Variants in SYNPO2 observed in about 807,000 individuals in gnomAD.
The protein encoded by SYNPO2 is synaptopodin-2.
A neutral mutation model predicts 85.0 loss-of-function variants in SYNPO2; 56 were observed. That is an observed-to-expected ratio of 0.66 (90% confidence interval 0.53 to 0.82). The LOEUF is 0.82. SYNPO2 is among the 40% of genes least tolerant of loss of function. SYNPO2 has a pLI of 0.00. For missense variants in SYNPO2, 1,575 were observed against 1,534.2 expected (o/e 1.03, Z -0.44); for synonymous variants, 602 against 591.1 (o/e 1.02, Z -0.27).
chr4:119,026,047 G>A (rs1482461096), intron 2 of SYNPO2, among the ~76,000 whole-genome samples: 1 of 152,154 alleles, frequency 6.6e-6, no homozygotes, highest in Admixed American at 6.5e-5. Flanking sequence ...ATTGCAGCAC[G>A]GAAAGGATTT....
chr4:119,031,431 T>A lies in SYNPO2; in HGVS notation c.2656T>A (p.Tyr886Asn), dbSNP rs1295382815. The A allele has an allele frequency of 1.9e-5, 30 of 1,613,860 alleles. No individual in the cohort carries two copies. Among genetic ancestry groups the A allele is most frequent in the Non-Finnish European group, 2.5e-5 (29 of 1,180,016 alleles). The change falls in exon 4 of 5, where the codon TAT becomes AAT. Residue 886 changes from tyrosine (Y) to asparagine (N), a missense_variant. This residue lies in a region of SYNPO2 where 1,508 missense variants were observed against 1,446.8 expected (regional missense o/e 1.04). Coordinates refer to ENST00000307142, the MANE Select transcript of SYNPO2 (RefSeq NM_133477.3). ...TAAAAGGCAGTCGAGAATGGAGAAG[T>A]ATGTGGTCGATTCAGACACGGTGCA... ...FAKRQSRMEK[Y>N]VVDSDTVQAH...
At chr4:118,895,200 A>T (rs1031909496) in intron 1 of SYNPO2, among the ~76,000 whole-genome samples, 1 of 152,192 alleles carries the variant, frequency 6.6e-6, no homozygotes, top group Non-Finnish European at 1.5e-5. Flanking sequence ...TTAAAGCTTC[A>T]GTCAACTATC....
chr4:118,902,186 G>A (rs778248548), intron 1 of SYNPO2, among the ~76,000 whole-genome samples: 1 of 152,140 alleles, frequency 6.6e-6, no homozygotes, highest in Non-Finnish European at 1.5e-5. Context: ...TAATGCACAG[G>A]TCCTTTAAGA....
intron 1 of SYNPO2, among the ~76,000 whole-genome samples, chr4:118,871,599 T>C (rs1016659315): frequency 2.9e-4 from 43 of 150,228 alleles, no homozygotes; most frequent in Middle Eastern, 7.0e-3. Flanking sequence ...GACAGTGTCT[T>C]GCTCTGTCAC....
intron 1 of SYNPO2, among the ~76,000 whole-genome samples, chr4:118,959,844 TG>T (rs1735011124): frequency 6.6e-6 from 1 of 152,250 alleles, no homozygotes; most frequent in East Asian, 1.9e-4. Context: ...GTACATTGAC[TG>T]GTGACCCACA....
intron 1 of SYNPO2, among the ~76,000 whole-genome samples, chr4:118,907,913 A>G (rs1732989711): frequency 6.6e-6 from 1 of 152,174 alleles, no homozygotes; most frequent in African/African-American, 2.4e-5. Flanking sequence ...CTTTCTTATT[A>G]AATGACACAT....
intron 1 of SYNPO2, among the ~76,000 whole-genome samples, chr4:118,949,664 G>A (rs1043412027): frequency 2.2e-4 from 33 of 151,858 alleles, no homozygotes; most frequent in Admixed American, 8.5e-4. Flanking sequence ...CAGGAGAGTC[G>A]CTTGAACCCA....
intron 1 of SYNPO2, among the ~76,000 whole-genome samples, chr4:119,020,571 C>T (rs1311722737): frequency 6.6e-6 from 1 of 152,048 alleles, no homozygotes; most frequent in Non-Finnish European, 1.5e-5. Context: ...GAACTTCTGC[C>T]TAAGATTGGG....
At position 119,041,632 on chromosome 4, in the gene SYNPO2, A is replaced by G. The variant is rs1274160321; in HGVS notation, c.3252+9605A>G. On this transcript the variant is annotated intron_variant, in intron 4 of 4. Coordinates refer to ENST00000307142, the MANE Select transcript of SYNPO2 (RefSeq NM_133477.3). The stretch of plus-strand genomic sequence containing the variant: ...AATACTCACTGAAATGTCACAACTC[A>G]TTGTGGGTGGTATTACTGAAATAAA... 2.0e-5 allele frequency among the ~76,000 whole-genome samples: 3 copies of G among 152,230 alleles called. No homozygotes were observed. In the East Asian group the frequency reaches 5.8e-4, roughly 29 times the overall value.
chr4:118,974,895 T>G (rs900572761), intron 1 of SYNPO2, among the ~76,000 whole-genome samples: 3 of 152,186 alleles, frequency 2.0e-5, no homozygotes, highest in African/African-American at 7.2e-5. Flanking sequence ...CTTTAATGGT[T>G]TCCTTGTTTC....
rs1553934197 is a variant in SYNPO2 at position 118,867,467 on chromosome 4, C to CTTTCT, written c.12+16530_12+16531insCTTTT. 4.6e-3 allele frequency among the ~76,000 whole-genome samples: 637 copies of CTTTCT among 138,400 alleles called. 1 individual carries two copies. The highest frequency in any genetic ancestry group is 0.011 in the African/African-American group (402 of 37,702). The allele number at this position is 138,400 out of a possible 152,430, so 90.8% of individuals were successfully genotyped here. ...CCTTGTGGTTCCTATTAGTTTCTTT[C>CTTTCT]TTTTTTTTTTTTTTCAGTCTTAGAC... On this transcript the variant is annotated intron_variant, in intron 1 of 4. Transcript: ENST00000610556.
intron 4 of SYNPO2, among the ~76,000 whole-genome samples, chr4:119,044,160 A>G (rs931769154): frequency 6.6e-6 from 1 of 152,184 alleles, no homozygotes; most frequent in African/African-American, 2.4e-5. Context: ...GCTTATTCTG[A>G]AGAAATGTAA....
intron 1 of SYNPO2, among the ~76,000 whole-genome samples, chr4:118,938,315 A>T (rs1007781188): frequency 2.6e-5 from 4 of 152,172 alleles, no homozygotes; most frequent in Non-Finnish European, 4.4e-5. Context: ...GCAAGATTCC[A>T]TCTCAATTTA....
At chr4:118,897,456 C>T (rs1256833057) in intron 1 of SYNPO2, among the ~76,000 whole-genome samples, 1 of 152,154 alleles carries the variant, frequency 6.6e-6, no homozygotes, top group Non-Finnish European at 1.5e-5. Flanking sequence ...ACAGAATTTA[C>T]CTTCTTGAAT....
At position 119,030,315 on chromosome 4, in the gene SYNPO2, G is replaced by A. The variant is rs996192652; in HGVS notation, c.1540G>A (p.Val514Ile). 5.6e-6 allele frequency: 9 copies of A among 1,613,986 alleles called. No individual in the cohort carries two copies. The Admixed American group carries it at 8.3e-5, about 15-fold the overall frequency. Residue 514 changes from valine (V) to isoleucine (I), a missense_variant, in exon 4 of 5, where the codon GTA (valine) becomes ATA (isoleucine). Physicochemically the swap from Val to Ile is conservative, Grantham distance 29. Coordinates refer to ENST00000307142, the MANE Select transcript of SYNPO2 (RefSeq NM_133477.3). ...CACAGCCCAAAAAGAAGAGGACAAG[G>A]TAGGTGGAACGCCAAGCAGAGAACA... Reference protein sequence around the residue: ...QITAQKEEDKVGGTPSREQDA... With the variant: ...QITAQKEEDKIGGTPSREQDA...
intron 1 of SYNPO2, among the ~76,000 whole-genome samples, chr4:118,997,231 C>T (rs1435353140): frequency 1.4e-5 from 1 of 69,280 alleles, no homozygotes; most frequent in Non-Finnish European, 2.9e-5. Context: ...CAGAGCGAGA[C>T]TCCGTCTCAA....
At chr4:118,957,230 C>G (rs1734911618) in intron 1 of SYNPO2, among the ~76,000 whole-genome samples, 1 of 152,068 alleles carries the variant, frequency 6.6e-6, no homozygotes. Context: ...AAGGGATGTT[C>G]TCTGTGATCT....
At chr4:119,010,267 C>T (rs1341710266) in intron 1 of SYNPO2, among the ~76,000 whole-genome samples, 2 of 152,108 alleles carry the variant, frequency 1.3e-5, no homozygotes, top group Non-Finnish European at 2.9e-5. Flanking sequence ...TAAAGACATA[C>T]CCGAGACTGG....
chr4:118,979,274 A>G (rs1185175537), intron 1 of SYNPO2, among the ~76,000 whole-genome samples: 4 of 152,126 alleles, frequency 2.6e-5, no homozygotes, highest in Admixed American at 6.5e-5. Flanking sequence ...CTACTGCCGT[A>G]GCGTTGTTTT....
Sources: gnomAD v4.1 joint callset for allele counts (sites outside exome capture counted in the v4.1 genomes callset) on GRCh38, gnomAD v4.1.1 for gene constraint, gnomAD v4.1.1 regional missense constraint, MANE v1.5 for transcripts, NCBI Gene and HGNC (gene_info 2026-07-23, HGNC 2026-07-21) for gene names.